Variants in ERCC2 observed in about 807,000 individuals in gnomAD.
ERCC2 encodes the protein ERCC excision repair 2, TFIIH core complex helicase subunit.
Under a neutral mutation model 99.4 loss-of-function variants are expected in ERCC2, and 90 were observed. The ratio of observed to expected loss-of-function variants is 0.91; its 90% confidence interval spans 0.76 to 1.08. ERCC2 has a LOEUF of 1.08. Ranked by LOEUF, ERCC2 falls within the 50% of genes least tolerant of loss-of-function variation. The pLI is 0.00. For missense variants in ERCC2, 993 were observed against 1,038.1 expected, an observed-to-expected ratio of 0.96 and a Z score of 0.60; for synonymous variants, 497 against 432.4, an observed-to-expected ratio of 1.15 and a Z score of -1.85.
chr19:45,365,710 G>C (rs1972403818), intron 5 of ERCC2, among the ~76,000 whole-genome samples: 1 of 151,790 alleles, frequency 6.6e-6, no homozygotes, highest in Admixed American at 6.6e-5. Context: ...AGAATCCCTT[G>C]AACCCAGAAG....
intron 15 of ERCC2, among the ~76,000 whole-genome samples, chr19:45,356,803 G>A (rs1033483116): frequency 3.3e-5 from 5 of 152,122 alleles, no homozygotes; most frequent in Admixed American, 6.6e-5. Flanking sequence ...GCAAGACTCC[G>A]TCGCACAACA....
At chr19:45,356,568 G>A (rs976853215) in intron 15 of ERCC2, among the ~76,000 whole-genome samples, 3 of 152,176 alleles carry the variant, frequency 2.0e-5, no homozygotes, top group East Asian at 1.9e-4. Flanking sequence ...CCAGCACTTC[G>A]GGAGGACCAG....
rs934267563 is a variant in ERCC2 at position 45,351,243 on chromosome 19, G to A, written c.*386C>T. 1 of 1,571,250 alleles carries A rather than the reference G, an allele frequency of 6.4e-7. No homozygotes were observed. The highest frequency in any genetic ancestry group is 8.6e-7 in the Non-Finnish European group (1 of 1,157,362). On this transcript the variant is annotated 3_prime_UTR_variant, in exon 23 of 23. Transcript: ENST00000391945. ...GAGCTGGAGGGTGGATGTAACACTT[G>A]CCCCTCACCTCCCCTCCAACCATCC...
rs753431808 is a variant in ERCC2, at chr19:45,363,961, G to GGGGC, written c.949+21_949+24dup. The GGGGC allele has an allele frequency of 1.7e-4, 268 of 1,538,020 alleles. 1 individual carries two copies. Among genetic ancestry groups the GGGGC allele is most frequent in the Admixed American group, 4.3e-4 (22 of 51,074 alleles). On this transcript the variant is annotated intron_variant, in intron 10 of 22. Transcript: ENST00000391945. ...GACGGGGAGGCGGGAAAGGGACTGG[G>GGGGC]GGGCAGCGGGGGGTCGGGGCTCACC...
intron 21 of ERCC2, 42 bp from the exon 22 acceptor site, chr19:45,352,394 G>A: frequency 6.2e-7 from 1 of 1,613,582 alleles, no homozygotes; most frequent in Non-Finnish European, 8.5e-7. Context: ...GGTCATTCGG[G>A]GAGCCTGGGC....
intron 15 of ERCC2, among the ~76,000 whole-genome samples, chr19:45,356,147 C>CCAGG (rs1972004758): frequency 6.6e-6 from 1 of 152,162 alleles, no homozygotes; most frequent in Non-Finnish European, 1.5e-5. Flanking sequence ...CTAGCCAGCC[C>CCAGG]CAGGCCCTGG....
At position 45,350,676 on chromosome 19, in the gene ERCC2, T is replaced by TTGGA. The variant is rs1568527813; in HGVS notation, c.*952_*953insTCCA. On this transcript the variant is annotated 3_prime_UTR_variant, in exon 23 of 23. Transcript: ENST00000391945. ...GCAGCAGCTCACTCTCCAAGATCCG[T>TTGGA]GAGTCTATCAGGCGAGGAAGTGAGA... is the stretch of plus-strand genomic sequence containing the variant. The TTGGA allele has an allele frequency of 3.7e-6, 6 of 1,613,596 alleles. No individual in the cohort carries two copies. In the Admixed American group the frequency reaches 6.7e-5, roughly 18 times the overall value.
In ERCC2 at chr19:45,368,844, C is replaced by T. The variant is rs752425029; in HGVS notation, c.246+86G>A. On this transcript the variant is annotated intron_variant, in intron 4 of 22. Coordinates refer to ENST00000391945, the MANE Select transcript of ERCC2 (RefSeq NM_000400.4). The stretch of plus-strand genomic sequence containing the variant: ...TCTTCCCCAGCTTCCCAAACACCCC[C>T]GAAAGCTGGTGACGGCCACCGCCAG... The T allele has an allele frequency of 5.6e-5, 88 of 1,575,668 alleles. No individual in the cohort carries two copies. The Middle Eastern group carries it at 6.7e-4, about 12-fold the overall frequency.
chr19:45,368,596 G>A, intron 5 of ERCC2, 34 bp downstream of exon 5: 3 of 1,421,182 alleles, frequency 2.1e-6, no homozygotes, highest in Non-Finnish European at 3.0e-6. Flanking sequence ...CTCTACCTCT[G>A]GGCTAAGGGC....
At chr19:45,353,045 G>C (rs761880106) in intron 19 of ERCC2, 38 bp downstream of exon 19, 6 of 1,593,742 alleles carry the variant, frequency 3.8e-6, no homozygotes, top group Non-Finnish European at 4.3e-6. Flanking sequence ...AGAGAGCTCT[G>C]GGAAGACACC....
chr19:45,368,396 AAG>A (rs1972499333), intron 5 of ERCC2, among the ~76,000 whole-genome samples: 1 of 152,150 alleles, frequency 6.6e-6, no homozygotes, highest in South Asian at 2.1e-4. Context: ...CAGAGACTCT[AAG>A]AGCTGCCTTT....
At chr19:45,361,129 CAAAA>C (rs534908305) in intron 12 of ERCC2, among the ~76,000 whole-genome samples, 4 of 112,410 alleles carry the variant, frequency 3.6e-5, no homozygotes, top group Admixed American at 9.6e-5. Context: ...GACTCCGTCT[CAAAA>C]AAAAAAAAAA....
At position 45,352,360 on chromosome 19, in the gene ERCC2, C is replaced by T; in HGVS notation, c.2047-8G>A. On this transcript the variant is annotated splice_region_variant and splice_polypyrimidine_tract_variant and intron_variant, in intron 21 of 22. Transcript: ENST00000391945. ...GTCCCCACGGGCAAACCGCTGTGGGCAGAAGCGCAGGCCAGGGACAGAAGG... is the reference window on the plus strand; with the variant it reads ...GTCCCCACGGGCAAACCGCTGTGGGTAGAAGCGCAGGCCAGGGACAGAAGG... 21 of 1,613,832 alleles carry T rather than the reference C, an allele frequency of 1.3e-5. No homozygotes were observed. Among genetic ancestry groups the T allele is most frequent in the Non-Finnish European group, 1.7e-5 (20 of 1,179,928 alleles).
intron 12 of ERCC2, chr19:45,358,845 A>G (rs564724664): frequency 1.4e-5 from 11 of 780,722 alleles, no homozygotes; most frequent in South Asian, 2.7e-5. Context: ...CATCTGGAAT[A>G]TAAGTTCTGG....
intron 16 of ERCC2, among the ~76,000 whole-genome samples, chr19:45,355,080 G>A (rs1264504913): frequency 6.6e-6 from 1 of 152,250 alleles, no homozygotes; most frequent in African/African-American, 2.4e-5. Flanking sequence ...GAAGGGGCCG[G>A]GCGCTGTGGC....
At position 45,356,948 on chromosome 19, in the gene ERCC2, C is replaced by CAAGATGCT. The variant is rs558841291; in HGVS notation, c.1479+314_1479+321dup. Among the ~76,000 whole-genome samples, 155 of 152,348 alleles carry CAAGATGCT rather than the reference C, an allele frequency of 1.0e-3. 1 individual carries two copies. Among genetic ancestry groups the CAAGATGCT allele is most frequent in the Middle Eastern group, 6.8e-3 (2 of 294 alleles). On this transcript the variant is annotated intron_variant, in intron 15 of 22. Transcript: ENST00000391945. ...GGTCACAGCCAGACCACGTACTCGG[C>CAAGATGCT]AAGATGCTAAGATGCTGACTAAGCG...
In ERCC2 at chr19:45,368,638, G is replaced by A; in HGVS notation, c.352C>T (p.His118Tyr). The change falls in exon 5 of 23, where the codon CAC becomes TAC. Residue 118 changes from histidine (H) to tyrosine (Y), a missense_variant. His to Tyr is a moderately conservative substitution (Grantham distance 83, BLOSUM62 2). This residue lies in a region of ERCC2 where 909 missense variants were observed against 930.8 expected (regional missense o/e 0.98). Transcript: ENST00000391945. ...ALSSRKNLCI[H>Y]PEVTPLRFGK... ...AAGGAACAGGTGCTCACCTCAGGGTGAATACACAAGTTTTTGCGGGAGCTC... is the reference window on the plus strand; with the variant it reads ...AAGGAACAGGTGCTCACCTCAGGGTAAATACACAAGTTTTTGCGGGAGCTC... The A allele has an allele frequency of 6.2e-7, 1 of 1,608,592 alleles. No individual in the cohort carries two copies.
Position 45,357,651 on chromosome 19 carries a change from G to T in ERCC2, c.1286C>A (p.Ala429Asp), listed in dbSNP as rs758816422. 1 of 1,614,098 alleles carries T rather than the reference G, an allele frequency of 6.2e-7. No individual in the cohort carries two copies. Among genetic ancestry groups the T allele is most frequent in the Non-Finnish European group, 8.5e-7 (1 of 1,180,006 alleles). ...CCACCTGAAGTGCAGGATGGGGTTG[G>T]CAATGGTCGGGGTTCTGTCGTCAAA... The part of the protein sequence containing the change: ...EPFDDRTPTI[A>D]NPILHFSCMD... Residue 429 changes from alanine to aspartate, a missense_variant, in exon 13 of 23, where the codon GCC becomes GAC. By Grantham distance (126) the Ala-to-Asp change is moderately radical (BLOSUM62 -2). Transcript: ENST00000391945.
intron 16 of ERCC2, among the ~76,000 whole-genome samples, 197 bp downstream of exon 16, chr19:45,355,468 C>T (rs1054357277): frequency 1.6e-4 from 24 of 152,212 alleles, no homozygotes; most frequent in African/African-American, 5.8e-4. Context: ...ACACACCCAG[C>T]GGTGGAGGTT....
Sources: allele counts gnomAD v4.1 joint callset (sites outside exome capture counted in the v4.1 genomes callset), GRCh38; gene constraint gnomAD v4.1.1; regional missense constraint gnomAD v4.1.1; transcripts MANE v1.5; gene names NCBI Gene and HGNC (gene_info 2026-07-23, HGNC 2026-07-21).